NRXN3: variants seen among roughly 807,000 people sequenced by gnomAD.
NRXN3 encodes the protein neurexin III.
NRXN3 carries 32 observed loss-of-function variants against 137.6 expected under a neutral mutation model. The ratio of observed to expected loss-of-function variants is 0.23; its 90% confidence interval spans 0.18 to 0.31. The LOEUF (loss-of-function observed/expected upper bound fraction) is 0.31. Ranked by LOEUF, NRXN3 falls within the 10% of genes least tolerant of loss-of-function variation. NRXN3 has a pLI of 1.00. For missense variants in NRXN3, 1,574 were observed against 2,062.5 expected (o/e 0.76, Z 4.59); for synonymous variants, 798 against 784.5 (o/e 1.02, Z -0.29).
intron 20 of NRXN3, among the ~76,000 whole-genome samples, chr14:79,851,804 C>T (rs746100259): frequency 2.0e-5 from 3 of 152,148 alleles, no homozygotes; most frequent in Non-Finnish European, 2.9e-5. Context: ...TCTTCCTCTC[C>T]GTGTGCATAC....
At chr14:78,484,275 T>C (rs944328403) in intron 4 of NRXN3, among the ~76,000 whole-genome samples, 2 of 152,170 alleles carry the variant, frequency 1.3e-5, no homozygotes, top group African/African-American at 4.8e-5. Flanking sequence ...AATGAATGGT[T>C]CTAGTGGGGA....
At position 79,394,419 on chromosome 14, in the gene NRXN3, T is replaced by A. The variant is rs781591502; in HGVS notation, c.3263-72802T>A. Among the ~76,000 whole-genome samples the A allele has an allele frequency of 2.6e-5, 4 of 152,204 alleles. No individual in the cohort carries two copies. The East Asian group carries it at 7.7e-4, about 29-fold the overall frequency. ...GATTGAGATATTAAAGTCCTTAGAATTGAAAGAACTTGCTCCAAATCATAC... is the reference window on the plus strand; with the variant it reads ...GATTGAGATATTAAAGTCCTTAGAAATGAAAGAACTTGCTCCAAATCATAC... On this transcript the variant is annotated intron_variant, in intron 15 of 20. Coordinates refer to ENST00000335750, the MANE Select transcript of NRXN3 (RefSeq NM_001330195.2).
At chr14:78,435,121 TC>T (rs1402027563) in intron 4 of NRXN3, among the ~76,000 whole-genome samples, 2 of 152,216 alleles carry the variant, frequency 1.3e-5, no homozygotes, top group Non-Finnish European at 2.9e-5. Context: ...GAATTATAGT[TC>T]CTTTGGAGAT....
chr14:78,627,497 C>T (rs1164915384), intron 4 of NRXN3, among the ~76,000 whole-genome samples: 1 of 152,188 alleles, frequency 6.6e-6, no homozygotes, highest in Admixed American at 6.5e-5. Flanking sequence ...GCAGGTGCTG[C>T]CCAGTGCCAG....
chr14:79,203,206 C>A (rs548398101), intron 15 of NRXN3, among the ~76,000 whole-genome samples: 2 of 152,194 alleles, frequency 1.3e-5, no homozygotes, highest in Non-Finnish European at 2.9e-5. Flanking sequence ...AGCCTTCAAA[C>A]TCCTCCAGAA....
chr14:79,543,975 G>A (rs749834153), intron 16 of NRXN3, among the ~76,000 whole-genome samples: 2 of 152,136 alleles, frequency 1.3e-5, no homozygotes, highest in African/African-American at 2.4e-5. Flanking sequence ...TGGTGTTAAC[G>A]TCCAGTTTCT....
chr14:79,066,633 G>C (rs961825626), intron 15 of NRXN3, among the ~76,000 whole-genome samples: 2 of 151,570 alleles, frequency 1.3e-5, no homozygotes, highest in Non-Finnish European at 3.0e-5. Context: ...TATCCTCTCT[G>C]ATTTCTCAGA....
chr14:79,474,290 G>C (rs1163184768), intron 16 of NRXN3, among the ~76,000 whole-genome samples: 1 of 152,100 alleles, frequency 6.6e-6, no homozygotes, highest in Admixed American at 6.6e-5. Context: ...TTCATTATCA[G>C]CAAAACACTG....
intron 10 of NRXN3, among the ~76,000 whole-genome samples, chr14:78,949,004 A>C (rs942849735): frequency 6.6e-6 from 1 of 152,234 alleles, no homozygotes; most frequent in Non-Finnish European, 1.5e-5. Flanking sequence ...ATAGTAGATC[A>C]GCTGCATGCT....
chr14:79,607,760 T>C (rs2098040702), intron 16 of NRXN3, among the ~76,000 whole-genome samples: 1 of 150,524 alleles, frequency 6.6e-6, no homozygotes, highest in Non-Finnish European at 1.5e-5. Context: ...GTAACCTCCC[T>C]TCTCCCCTCT....
intron 1 of NRXN3, among the ~76,000 whole-genome samples, chr14:78,206,001 T>C (rs2062149966): frequency 6.6e-6 from 1 of 151,976 alleles, no homozygotes; most frequent in African/African-American, 2.4e-5. Flanking sequence ...TATTGAGCAA[T>C]TGGGAGGTTG....
chr14:78,648,030 G>T (rs2097703908), intron 5 of NRXN3, among the ~76,000 whole-genome samples: 1 of 152,210 alleles, frequency 6.6e-6, no homozygotes, highest in Admixed American at 6.5e-5. Context: ...AAATGGAGCA[G>T]AAGTCTCCTC....
chr14:78,555,999 G>A (rs181663079), intron 4 of NRXN3, among the ~76,000 whole-genome samples: 1 of 152,214 alleles, frequency 6.6e-6, no homozygotes, highest in Non-Finnish European at 1.5e-5. Context: ...TATCCTGTGT[G>A]TGAGGAGCTC....
intron 19 of NRXN3, among the ~76,000 whole-genome samples, chr14:79,803,414 G>T (rs532220715): frequency 6.6e-6 from 1 of 152,256 alleles, no homozygotes; most frequent in South Asian, 2.1e-4. Context: ...AGCAGAATTA[G>T]TGTCTTCTGA....
At chr14:78,814,891 A>G (rs1444376904) in intron 10 of NRXN3, among the ~76,000 whole-genome samples, 1 of 152,200 alleles carries the variant, frequency 6.6e-6, no homozygotes, top group African/African-American at 2.4e-5. Flanking sequence ...CATGTGCAGT[A>G]TGAATGAATA....
At chr14:79,851,889 A>G (rs1039553841) in intron 20 of NRXN3, among the ~76,000 whole-genome samples, 49 of 152,138 alleles carry the variant, frequency 3.2e-4, no homozygotes, top group Admixed American at 2.9e-3. Context: ...AGCACTTCCA[A>G]TAAACTTTAT....
At chr14:78,610,382 C>T (rs2097290639) in intron 4 of NRXN3, among the ~76,000 whole-genome samples, 1 of 152,200 alleles carries the variant, frequency 6.6e-6, no homozygotes, top group African/African-American at 2.4e-5. Context: ...GCCAACCAGG[C>T]TCCTGCTCTT....
intron 8 of NRXN3, among the ~76,000 whole-genome samples, chr14:78,726,410 A>G (rs371193753): frequency 3.6e-4 from 54 of 149,714 alleles, no homozygotes; most frequent in East Asian, 3.3e-3. Flanking sequence ...TCATTTTTCA[A>G]CTCCCACTTA....
At chr14:78,550,069 T>A (rs2096672355) in intron 4 of NRXN3, among the ~76,000 whole-genome samples, 1 of 150,660 alleles carries the variant, frequency 6.6e-6, no homozygotes, top group African/African-American at 2.5e-5. Context: ...GATCTCACTT[T>A]GTCACCCAGG....
Sources: gnomAD v4.1 joint callset for allele counts (sites outside exome capture counted in the v4.1 genomes callset) on GRCh38, gnomAD v4.1.1 for gene constraint, MANE v1.5 for transcripts, NCBI Gene and HGNC (gene_info 2026-07-23, HGNC 2026-07-21) for gene names.